The following PPM1F variants were observed in gnomAD, a reference collection of about 807,000 sequenced individuals.
PPM1F encodes the protein protein phosphatase, Mg2+/Mn2+ dependent 1F.
PPM1F carries 17 observed loss-of-function variants against 35.5 expected under a neutral mutation model. The observed-to-expected ratio is 0.48, with a 90% CI of 0.33 to 0.72. The LOEUF is 0.72. Ranked by LOEUF, PPM1F falls within the 30% of genes least tolerant of loss-of-function variation. The pLI is 0.02. For missense variants in PPM1F, 521 were observed against 613.0 expected, an observed-to-expected ratio of 0.85 and a Z score of 1.59; for synonymous variants, 241 against 255.5, an observed-to-expected ratio of 0.94 and a Z score of 0.54.
intron 1 of PPM1F, chr22:21,948,909 T>C (rs2070806592): frequency 6.6e-6 from 1 of 152,510 alleles, no homozygotes; most frequent in South Asian, 2.1e-4. Context: ...CTGGACCTTT[T>C]GGGATGCAGG....
rs2070461899 is a variant in PPM1F at position 21,922,812 on chromosome 22, G to A, written c.*280C>T. On this transcript the variant is annotated 3_prime_UTR_variant, in exon 8 of 8. Coordinates refer to ENST00000263212, the MANE Select transcript of PPM1F (RefSeq NM_014634.4). ...TGCCGTTGGGCACCTATGACCTCTGGTCCCACCCCGGGCCTAATAGGAGCT... is the reference window on the plus strand; with the variant it reads ...TGCCGTTGGGCACCTATGACCTCTGATCCCACCCCGGGCCTAATAGGAGCT... 2.3e-6 allele frequency: 1 copy of A among 427,272 alleles called. No homozygotes were observed. The highest frequency in any genetic ancestry group is 4.2e-6 in the Non-Finnish European group (1 of 238,762). 26.5% of individuals were successfully genotyped at this position (427,272 alleles called of 1,614,324 possible).
chr22:21,920,563 G>A lies in PPM1F; in HGVS notation c.*2529C>T, dbSNP rs932550436. 1 of 152,472 alleles carries A rather than the reference G, an allele frequency of 6.6e-6. No homozygotes were observed. The highest frequency in any genetic ancestry group is 1.5e-5 in the Non-Finnish European group (1 of 68,228). The allele number at this position is 152,472 out of a possible 1,614,324, so 9.4% of individuals were successfully genotyped here. ...GGACGAGGGCTCCCTCGGCCCCAAG[G>A]CAAGGGCGGAGCAGCTCCCAGTGCT... On this transcript the variant is annotated 3_prime_UTR_variant, in exon 8 of 8. Transcript: ENST00000263212.
chr22:21,925,467 A>G (rs2070500880), intron 7 of PPM1F, 102 bp downstream of exon 7: 5 of 949,246 alleles, frequency 5.3e-6, no homozygotes, highest in Non-Finnish European at 1.7e-6. Context: ...CCCTCGGCCC[A>G]TCACACTGCC....
At chr22:21,933,996 T>C in intron 4 of PPM1F, 28 bp downstream of exon 4, 6 of 1,522,456 alleles carry the variant, frequency 3.9e-6, no homozygotes, top group Non-Finnish European at 5.3e-6. Context: ...TCCGAAGCTG[T>C]CCCCAGGGTC....
intron 1 of PPM1F, chr22:21,949,532 G>C (rs369277920): frequency 6.6e-6 from 1 of 152,436 alleles, no homozygotes; most frequent in African/African-American, 2.4e-5. Flanking sequence ...GGGATCAACT[G>C]GAAGAGACAG....
intron 6 of PPM1F, among the ~76,000 whole-genome samples, chr22:21,928,700 C>CTGAGGCTTGAGAGG (rs2070550309): frequency 6.6e-6 from 1 of 152,210 alleles, no homozygotes; most frequent in African/African-American, 2.4e-5. Context: ...CTCCTGTCTC[C>CTGAGGCTTGAGAGG]TGAGGCTTGA....
chr22:21,930,424 T>C (rs1481741283), intron 6 of PPM1F, among the ~76,000 whole-genome samples: 1 of 152,192 alleles, frequency 6.6e-6, no homozygotes, highest in African/African-American at 2.4e-5. Context: ...GCATTGTTTT[T>C]AGCACCGAAA....
At chr22:21,937,825 C>T in intron 3 of PPM1F, 1 of 286,840 alleles carries the variant, frequency 3.5e-6, no homozygotes, top group South Asian at 2.7e-5. Flanking sequence ...CACGGACTCC[C>T]CATGCCAAGG....
chr22:21,928,123 C>T (rs1304810076), intron 6 of PPM1F, among the ~76,000 whole-genome samples: 2 of 151,900 alleles, frequency 1.3e-5, no homozygotes, highest in Non-Finnish European at 2.9e-5. Flanking sequence ...CTCTGCTCCT[C>T]AAACCTCATC....
intron 2 of PPM1F, chr22:21,945,474 GC>G (rs1250808190): frequency 4.1e-6 from 1 of 245,164 alleles, no homozygotes; most frequent in African/African-American, 2.3e-5. Flanking sequence ...ATGGGGAGAT[GC>G]CGTGTGCAAC....
At chr22:21,926,089 A>C (rs1337222815) in intron 6 of PPM1F, 1 of 169,522 alleles carries the variant, frequency 5.9e-6, no homozygotes, top group African/African-American at 2.4e-5. Flanking sequence ...CACAGCAGGG[A>C]AGCCTGAGCG....
chr22:21,926,421 C>T (rs911997679), intron 6 of PPM1F, among the ~76,000 whole-genome samples: 2 of 152,054 alleles, frequency 1.3e-5, no homozygotes, highest in South Asian at 2.1e-4. Context: ...TGTGAGCCAC[C>T]GCGCCTGGCC....
At chr22:21,942,353 C>T (rs1187043806) in intron 2 of PPM1F, 10 of 152,122 alleles carry the variant, frequency 6.6e-5, no homozygotes, top group Admixed American at 6.6e-4. Flanking sequence ...TCACCACAAC[C>T]TCCACCTCTC....
chr22:21,925,190 C>T, intron 7 of PPM1F: 1 of 357,684 alleles, frequency 2.8e-6, no homozygotes. Flanking sequence ...CCACCGCGCC[C>T]AGCGAACCCA....
In PPM1F at chr22:21,923,465, A is replaced by G. The variant is rs778158817; in HGVS notation, c.992T>C (p.Val331Ala). 1.2e-6 allele frequency: 2 copies of G among 1,603,330 alleles called. No homozygotes were observed. The highest frequency in any genetic ancestry group is 1.7e-6 in the Non-Finnish European group (2 of 1,172,262). The change falls in exon 8 of 8, where the codon GTC (valine) becomes GCC (alanine). Residue 331 changes from valine to alanine, a missense_variant. Physicochemically the swap from Val to Ala is moderately conservative, Grantham distance 64. Around this residue, in one of 3 missense-constraint regions of PPM1F, gnomAD observed 163 missense variants for 169.6 expected, o/e 0.96. Transcript: ENST00000263212. ...CCCAGACACGTAGGGCTTCTGGAAG[A>G]CATCCCCTGGACAGGCGGAGAAGAG... Reference protein sequence around the residue: ...TLAVSRAIGDVFQKPYVSGEA... With the variant: ...TLAVSRAIGDAFQKPYVSGEA...
intron 2 of PPM1F, among the ~76,000 whole-genome samples, chr22:21,940,847 C>G (rs955019481): frequency 6.6e-6 from 1 of 152,188 alleles, no homozygotes; most frequent in African/African-American, 2.4e-5. Flanking sequence ...GCTGTGGGAA[C>G]AGGGCAGGCC....
intron 1 of PPM1F, 41 bp from the exon 2 acceptor site, chr22:21,946,149 G>T: frequency 1.9e-6 from 2 of 1,027,038 alleles, no homozygotes; most frequent in Non-Finnish European, 2.7e-6. Context: ...AGGGGGCCAT[G>T]GCACCAGCAA....
At chr22:21,931,391 T>C (rs1310749673) in intron 5 of PPM1F, 100 bp from the exon 6 acceptor site, 2 of 1,205,446 alleles carry the variant, frequency 1.7e-6, no homozygotes, top group East Asian at 5.0e-5. Context: ...AATACTTCCG[T>C]TACTGTGGTG....
Position 21,934,226 on chromosome 22 carries a change from A to G in PPM1F, c.356T>C (p.Leu119Ser). ...CTGTGCCAGGCTTTGGGCATCCAGC[A>G]CTGATGGGCACAATGGAGGGATTGT... is the stretch of plus-strand genomic sequence containing the variant. ...DDEEEKAPVT[L>S]LDAQSLAQSF... is the part of the protein sequence containing the mutation. Residue 119 changes from leucine (L) to serine (S), a missense_variant and splice_region_variant, in exon 4 of 8, where the codon TTG (leucine) becomes TCG (serine). Physicochemically the swap from Leu to Ser is moderately radical, Grantham distance 145. Around this residue, in one of 3 missense-constraint regions of PPM1F, gnomAD observed 311 missense variants for 351.5 expected, o/e 0.88. Transcript: ENST00000263212. 1 of 1,562,316 alleles carries G rather than the reference A, an allele frequency of 6.4e-7. No homozygotes were observed. Among genetic ancestry groups the G allele is most frequent in the Non-Finnish European group, 8.7e-7 (1 of 1,151,534 alleles).
Sources: gnomAD v4.1 joint callset for allele counts (sites outside exome capture counted in the v4.1 genomes callset) on GRCh38, gnomAD v4.1.1 for gene constraint, gnomAD v4.1.1 regional missense constraint, MANE v1.5 for transcripts, NCBI Gene and HGNC (gene_info 2026-07-23, HGNC 2026-07-21) for gene names.